CREB3L2: variants seen among roughly 807,000 people sequenced by gnomAD.
CREB3L2 encodes cAMP responsive element binding protein 3 like 2, also known as cyclic AMP-responsive element-binding protein 3-like protein 2.
Under a neutral mutation model 57.2 loss-of-function variants are expected in CREB3L2, and 23 were observed. That is an observed-to-expected ratio of 0.40 (90% CI 0.29 to 0.57). The LOEUF (loss-of-function observed/expected upper bound fraction) is 0.57, where lower values mean the gene tolerates loss of function less well. Ranked by LOEUF, CREB3L2 falls within the 20% of genes least tolerant of loss-of-function variation. The probability of loss-of-function intolerance (pLI) is 0.42; values close to 1 mark genes in which losing one functional copy is unlikely to be tolerated. For synonymous variants in CREB3L2, 268 were observed against 265.1 expected (o/e 1.01, Z -0.11); for missense variants, 628 against 634.7 (o/e 0.99, Z 0.11).
Position 137,880,278 on chromosome 7 carries a change from T to G in CREB3L2, c.*198A>C, listed in dbSNP as rs1275077420. 8.4e-6 allele frequency: 5 copies of G among 595,634 alleles called. No individual in the cohort carries two copies. In the African/African-American group the frequency reaches 9.3e-5, roughly 11 times the overall value. The allele number at this position is 595,634 out of a possible 1,614,324, so 36.9% of individuals were successfully genotyped here. A position where few individuals can be genotyped will look rare whatever the true frequency, so the allele number is the denominator to read the frequency against. On this transcript the variant is annotated 3_prime_UTR_variant, in exon 12 of 12. Coordinates refer to ENST00000330387, the MANE Select transcript of CREB3L2 (RefSeq NM_194071.4). The surrounding 1 kb of genome is among the most constrained non-coding windows in gnomAD (Gnocchi z 4.0). ...GAAGGGAGGGATGCAGGCTCCCTTC[T>G]GCACAGGAGGGGCATGGACCAGGGG...
At position 137,946,868 on chromosome 7, in the gene CREB3L2, A is replaced by ATATATAGTTATC. The variant is rs1242249244; in HGVS notation, c.103-18514_103-18503dup. 3.4e-4 allele frequency among the ~76,000 whole-genome samples: 19 copies of ATATATAGTTATC among 56,472 alleles called. 2 individuals are homozygous for ATATATAGTTATC. Among genetic ancestry groups the ATATATAGTTATC allele is most frequent in the East Asian group, 2.9e-3 (4 of 1,378 alleles). The allele number at this position is 56,472 out of a possible 152,430, so 37.0% of individuals were successfully genotyped here. A position where few individuals can be genotyped will look rare whatever the true frequency, so the allele number is the denominator to read the frequency against. ...TCTATATAGTTATCTATATAGTTAT[A>ATATATAGTTATC]TATATAGTTATCTATATAGTTATAT... On this transcript the variant is annotated intron_variant, in intron 1 of 11. Coordinates refer to ENST00000330387, the MANE Select transcript of CREB3L2 (RefSeq NM_194071.4).
chr7:137,968,950 C>T (rs998990632), intron 1 of CREB3L2, among the ~76,000 whole-genome samples: 5 of 151,840 alleles, frequency 3.3e-5, no homozygotes, highest in Admixed American at 6.6e-5. Context: ...AAGAAAGAAA[C>T]GAAGGAGAAG....
intron 1 of CREB3L2, among the ~76,000 whole-genome samples, chr7:137,977,237 G>T (rs1331965190): frequency 6.6e-6 from 1 of 152,150 alleles, no homozygotes; most frequent in Non-Finnish European, 1.5e-5. Flanking sequence ...AAGAAAGTGG[G>T]ATTAGCAATA....
chr7:137,981,807 T>A (rs1801716789), intron 1 of CREB3L2, among the ~76,000 whole-genome samples: 1 of 152,246 alleles, frequency 6.6e-6, no homozygotes, highest in Non-Finnish European at 1.5e-5. Flanking sequence ...GCCACTCGTT[T>A]CATGTATTCT....
chr7:137,960,089 T>C (rs189949486), intron 1 of CREB3L2, among the ~76,000 whole-genome samples: 160 of 152,300 alleles, frequency 1.1e-3, no homozygotes, highest in African/African-American at 3.8e-3. Context: ...AAAAAATATA[T>C]AATTCTCATT....
rs1799237020 is a variant in CREB3L2, at chr7:137,879,412, C to A, written c.*1064G>T. ...TGAAATGTCTGTTGTCAGAACAGGG[C>A]TTCCCCTTCTCTGTCATGAAAACAG... On this transcript the variant is annotated 3_prime_UTR_variant, in exon 12 of 12. Coordinates refer to ENST00000330387, the MANE Select transcript of CREB3L2 (RefSeq NM_194071.4). 3 of 430,730 alleles carry A rather than the reference C, an allele frequency of 7.0e-6. No homozygotes were observed. Among genetic ancestry groups the A allele is most frequent in the African/African-American group, 4.0e-5 (2 of 50,036 alleles). 26.7% of individuals were successfully genotyped at this position (430,730 alleles called of 1,614,324 possible).
intron 1 of CREB3L2, among the ~76,000 whole-genome samples, chr7:137,995,936 C>T (rs1801982683): frequency 6.6e-6 from 1 of 152,306 alleles, no homozygotes; most frequent in Non-Finnish European, 1.5e-5. Context: ...ATCATGAGAA[C>T]AATTTCAGAG....
At chr7:137,918,400 A>T (rs973749249) in intron 2 of CREB3L2, among the ~76,000 whole-genome samples, 5 of 152,126 alleles carry the variant, frequency 3.3e-5, no homozygotes, top group African/African-American at 1.2e-4. Flanking sequence ...CATGTTGACC[A>T]GGCTGGTCTT....
intron 1 of CREB3L2, among the ~76,000 whole-genome samples, chr7:137,963,956 A>C (rs1419961809): frequency 6.6e-6 from 1 of 152,258 alleles, no homozygotes; most frequent in African/African-American, 2.4e-5. Flanking sequence ...AATGTATCAC[A>C]ATCTGTTTTC....
chr7:137,882,498 G>A lies in CREB3L2; in HGVS notation c.1401C>T (p.Ser467=), dbSNP rs1164148942. 4.3e-6 allele frequency: 7 copies of A among 1,614,016 alleles called. No individual in the cohort carries two copies. Among genetic ancestry groups the A allele is most frequent in the Admixed American group, 3.3e-5 (2 of 60,010 alleles). ...AATGGGGAAGATCCACATCCGGCCT[G>A]GACTCCAGCCCTGACACCCTGAGCA... The part of the protein sequence containing the change: ...SSLLRVSGLE[S]RPDVDLPHFI... The change falls in exon 11 of 12, where the codon TCC becomes TCT. Residue 467 remains serine (S), a synonymous_variant. Transcript: ENST00000330387.
chr7:137,879,326 C>A lies in CREB3L2; in HGVS notation c.*1150G>T, dbSNP rs569747282. ...TTGTTGAGGTAGGGGACGAGGAGGA[C>A]AAAGTGGAAGTGTGGAGGGAGGAGG... is the stretch of plus-strand genomic sequence containing the variant. On this transcript the variant is annotated 3_prime_UTR_variant, in exon 12 of 12. Transcript: ENST00000330387. 47 of 519,678 alleles carry A rather than the reference C, an allele frequency of 9.0e-5. 1 individual carries two copies. The Middle Eastern group carries it at 2.3e-3, about 26-fold the overall frequency. The allele number at this position is 519,678 out of a possible 1,614,324, so 32.2% of individuals were successfully genotyped here.
intron 1 of CREB3L2, among the ~76,000 whole-genome samples, chr7:137,970,402 C>G (rs1419624140): frequency 6.6e-6 from 1 of 152,180 alleles, no homozygotes; most frequent in African/African-American, 2.4e-5. Context: ...CCAAAAACCA[C>G]AGATATTGGA....
In CREB3L2 at chr7:137,935,164, G is replaced by C. The variant is rs556345683; in HGVS notation, c.103-6798C>G. On this transcript the variant is annotated intron_variant, in intron 1 of 11. Transcript: ENST00000330387. ...GGTTTATGAGGTTAACAATAATGCCGGCAAAGTGAAGTTAACAATAGTTCC... is the reference window on the plus strand; with the variant it reads ...GGTTTATGAGGTTAACAATAATGCCCGCAAAGTGAAGTTAACAATAGTTCC... Among the ~76,000 whole-genome samples the C allele has an allele frequency of 1.8e-4, 28 of 152,210 alleles. No individual in the cohort carries two copies. The South Asian group carries it at 3.3e-3, about 18-fold the overall frequency.
intron 1 of CREB3L2, among the ~76,000 whole-genome samples, chr7:137,985,300 C>T (rs563841238): frequency 1.1e-3 from 171 of 152,312 alleles, no homozygotes; most frequent in African/African-American, 3.8e-3. Context: ...GAGGTTCTCT[C>T]GCTCAACAAT....
chr7:137,931,572 C>T (rs1800638466), intron 1 of CREB3L2, among the ~76,000 whole-genome samples: 1 of 149,646 alleles, frequency 6.7e-6, no homozygotes, highest in Admixed American at 6.7e-5. Flanking sequence ...TGGCTCATGT[C>T]TGTAATCCCA....
chr7:137,967,409 G>A (rs1444031507), intron 1 of CREB3L2, among the ~76,000 whole-genome samples: 1 of 152,114 alleles, frequency 6.6e-6, no homozygotes, highest in Non-Finnish European at 1.5e-5. Flanking sequence ...AAGGACTCAG[G>A]AAGAAAAGAG....
chr7:137,933,608 T>C (rs768839671), intron 1 of CREB3L2, among the ~76,000 whole-genome samples: 37 of 152,228 alleles, frequency 2.4e-4, no homozygotes, highest in Non-Finnish European at 4.4e-4. Context: ...ACAGTTGTTA[T>C]CAAGTTTATT....
chr7:137,928,131 C>T lies in CREB3L2; in HGVS notation c.319+19G>A, dbSNP rs1315089627. On this transcript the variant is annotated intron_variant, in intron 2 of 11. Transcript: ENST00000330387. Reference sequence around the variant, plus strand: ...CCAAAGGCGCTAAGGTCCAGGTCTTCCTCCTCCTCTGAGTTTACCGTCATT... The same window carrying T: ...CCAAAGGCGCTAAGGTCCAGGTCTTTCTCCTCCTCTGAGTTTACCGTCATT... 1.3e-6 allele frequency: 2 copies of T among 1,543,482 alleles called. No homozygotes were observed. Among genetic ancestry groups the T allele is most frequent in the Non-Finnish European group, 1.8e-6 (2 of 1,140,358 alleles).
At chr7:138,000,352 G>A (rs1802054086) in intron 1 of CREB3L2, among the ~76,000 whole-genome samples, 1 of 152,176 alleles carries the variant, frequency 6.6e-6, no homozygotes, top group South Asian at 2.1e-4. Context: ...CCCACATAGT[G>A]TCCCCATGAC....
Sources: gnomAD v4.1 joint callset for allele counts (sites outside exome capture counted in the v4.1 genomes callset) on GRCh38, gnomAD v4.1.1 for gene constraint, Gnocchi (gnomAD v3.1) non-coding constraint, MANE v1.5 for transcripts, NCBI Gene and HGNC (gene_info 2026-07-23, HGNC 2026-07-21) for gene names.